Variants in HDAC4 observed in about 807,000 individuals in gnomAD.
HDAC4 encodes the protein histone deacetylase A.
A neutral mutation model predicts 135.1 loss-of-function variants in HDAC4; 16 were observed. That is an observed-to-expected ratio of 0.12 (90% CI 0.08 to 0.18). The LOEUF is 0.18. HDAC4 is among the 10% of genes least tolerant of loss of function. HDAC4 has a pLI of 1.00. For missense variants in HDAC4, 1,143 were observed against 1,511.8 expected (o/e 0.76, Z 4.05); for synonymous variants, 685 against 653.4 (o/e 1.05, Z -0.74).
chr2:239,056,586 C>G (rs1038463933), intron 24 of HDAC4, among the ~76,000 whole-genome samples: 5 of 152,180 alleles, frequency 3.3e-5, no homozygotes, highest in Non-Finnish European at 7.3e-5. Context: ...GAATAAATAA[C>G]GAAATACACA....
Position 239,115,329 on chromosome 2 carries a change from ACATGAAGCACAGAGAG to A in HDAC4, c.1534-35_1534-20del. The A allele has an allele frequency of 6.2e-7, 1 of 1,612,908 alleles. No individual in the cohort carries two copies. The highest frequency in any genetic ancestry group is 8.5e-7 in the Non-Finnish European group (1 of 1,179,930). ...GGATGATCTGCAAGGCGGAGGTAAC[ACATGAAGCACAGAGAG>A]CTGGGTCCTCTGAGCTCATCTGACA... On this transcript the variant is annotated intron_variant, in intron 12 of 26. Transcript: ENST00000543185. This position sits in a 1 kb window ranked among gnomAD's most constrained non-coding sequence, Gnocchi z 6.3.
In HDAC4 at chr2:239,213,147, C is replaced by G. The variant is rs186196196; in HGVS notation, c.95-23070G>C. 1.6e-4 allele frequency among the ~76,000 whole-genome samples: 24 copies of G among 150,716 alleles called. No individual in the cohort carries two copies. The East Asian group carries it at 4.8e-3, about 30-fold the overall frequency. On this transcript the variant is annotated intron_variant, in intron 3 of 26. Coordinates refer to ENST00000543185, the MANE Select transcript of HDAC4 (RefSeq NM_001378414.1). ...CTGTCCCCAGAATATGAGACGGCCA[C>G]GATGCTGGAAGGAAGGACAAGAATG... is the stretch of plus-strand genomic sequence containing the variant.
intron 12 of HDAC4, among the ~76,000 whole-genome samples, chr2:239,122,051 A>G (rs759741394): frequency 9.8e-5 from 15 of 152,354 alleles, no homozygotes; most frequent in Non-Finnish European, 1.6e-4. Context: ...GAATAATTAC[A>G]TTTTTAAAAA....
chr2:239,066,186 C>T (rs867142866), intron 24 of HDAC4, among the ~76,000 whole-genome samples: 17 of 152,178 alleles, frequency 1.1e-4, no homozygotes, highest in Admixed American at 5.2e-4. Context: ...CAGAGGCCAG[C>T]TGTACAGACC....
intron 2 of HDAC4, chr2:239,298,445 A>C: frequency 6.9e-6 from 8 of 1,155,916 alleles, no homozygotes; most frequent in Non-Finnish European, 8.7e-6. Context: ...CACACCGTGG[A>C]TACTCTAGGG....
rs897155687 is a variant in HDAC4 at position 239,111,082 on chromosome 2, G to A, written c.1978+444C>T. ...CCCAGGGGTCCCGGGCTCTGCTCTC[G>A]TGTAATCACAGCCCCCCGCCAGCCA... On this transcript the variant is annotated intron_variant, in intron 14 of 26. Transcript: ENST00000543185. 1.1e-4 allele frequency among the ~76,000 whole-genome samples: 17 copies of A among 152,248 alleles called. 1 individual carries two copies. The highest frequency in any genetic ancestry group is 9.2e-4 in the Admixed American group (14 of 15,286).
At position 239,352,737 on chromosome 2, in the gene HDAC4, G is replaced by C; in HGVS notation, c.-38C>G. 6.5e-7 allele frequency: 1 copy of C among 1,549,680 alleles called. No homozygotes were observed. Reference sequence around the variant, plus strand: ...CCACTCCTTTAAGTGATTCGAAATGGCTCAAAATTTCCACGGAAACGATAG... The same window carrying C: ...CCACTCCTTTAAGTGATTCGAAATGCCTCAAAATTTCCACGGAAACGATAG... On this transcript the variant is annotated 5_prime_UTR_variant, in exon 2 of 27. Coordinates refer to ENST00000543185, the MANE Select transcript of HDAC4 (RefSeq NM_001378414.1). This position sits in a 1 kb window ranked among gnomAD's most constrained non-coding sequence, Gnocchi z 4.4.
Position 239,068,617 on chromosome 2 carries a change from A to T in HDAC4, c.2751-10T>A. 6.2e-7 allele frequency: 1 copy of T among 1,609,328 alleles called. No homozygotes were observed. The highest frequency in any genetic ancestry group is 8.5e-7 in the Non-Finnish European group (1 of 1,175,802). On this transcript the variant is annotated splice_polypyrimidine_tract_variant and intron_variant, in intron 22 of 26. Coordinates refer to ENST00000543185, the MANE Select transcript of HDAC4 (RefSeq NM_001378414.1). The surrounding 1 kb of genome is among the most constrained non-coding windows in gnomAD (Gnocchi z 4.4). Reference sequence around the variant, plus strand: ...CGGCATGACCACCGTTCTGCAAAGGACAGGAGAAGGCGTTACTGGGTCAGC... The same window carrying T: ...CGGCATGACCACCGTTCTGCAAAGGTCAGGAGAAGGCGTTACTGGGTCAGC...
In HDAC4 at chr2:239,081,191, A is replaced by G; in HGVS notation, c.2654T>C (p.Val885Ala). 1 of 1,612,430 alleles carries G rather than the reference A, an allele frequency of 6.2e-7. No individual in the cohort carries two copies. Among genetic ancestry groups the G allele is most frequent in the Non-Finnish European group, 8.5e-7 (1 of 1,179,446 alleles). The change falls in exon 22 of 27, where the codon GTG (valine) becomes GCG (alanine). Residue 885 changes from valine (V) to alanine (A), a missense_variant and splice_region_variant. Physicochemically the swap from Val to Ala is moderately conservative, Grantham distance 64. Transcript: ENST00000543185. ...FFPGSGAPDE[V>A]GTGPGVGFNV... ...GAAACCCACGCCGGGCCCTGTGCCC[A>G]CCTGTGGCCAGAAGGAGAGAAACAC...
chr2:239,058,603 A>G (rs1043607492), intron 24 of HDAC4, among the ~76,000 whole-genome samples: 1 of 152,270 alleles, frequency 6.6e-6, no homozygotes, highest in Non-Finnish European at 1.5e-5. Context: ...CTGGCACAAA[A>G]GATGTAAGGG....
At position 239,134,334 on chromosome 2, in the gene HDAC4, A is replaced by G; in HGVS notation, c.1205T>C (p.Leu402Ser). The G allele has an allele frequency of 6.2e-7, 1 of 1,613,972 alleles. No individual in the cohort carries two copies. Among genetic ancestry groups the G allele is most frequent in the Non-Finnish European group, 8.5e-7 (1 of 1,180,026 alleles). ...GTGCGCTGCCCCTCCGTCCCGCTCC[A>G]AGGGCGAGGTGCTCAGGTAGGGAGT... The part of the protein sequence containing the change: ...HLTPYLSTSP[L>S]ERDGGAAHSP... The change falls in exon 11 of 27, where the codon TTG (leucine) becomes TCG (serine). Residue 402 changes from leucine (L) to serine (S), a missense_variant. Around this residue, in one of 9 missense-constraint regions of HDAC4, gnomAD observed 272 missense variants for 309.7 expected, o/e 0.88. Transcript: ENST00000543185.
At position 239,303,945 on chromosome 2, in the gene HDAC4, C is replaced by T. The variant is rs768884778; in HGVS notation, c.22+48733G>A. ...ACTTCCCACCTCAGTCAAGCACCTGCCTCCCAGGCCTCACCAGTCTTCATC... is the reference window on the plus strand; with the variant it reads ...ACTTCCCACCTCAGTCAAGCACCTGTCTCCCAGGCCTCACCAGTCTTCATC... On this transcript the variant is annotated intron_variant, in intron 2 of 26. Coordinates refer to ENST00000543185, the MANE Select transcript of HDAC4 (RefSeq NM_001378414.1). The surrounding 1 kb of genome is among the most constrained non-coding windows in gnomAD (Gnocchi z 5.1). Among the ~76,000 whole-genome samples, 23 of 152,160 alleles carry T rather than the reference C, an allele frequency of 1.5e-4. No homozygotes were observed. Among genetic ancestry groups the T allele is most frequent in the Non-Finnish European group, 2.9e-4 (20 of 68,024 alleles).
chr2:239,199,107 GCCCCC>G (rs1575384799), intron 3 of HDAC4, among the ~76,000 whole-genome samples: 1 of 29,186 alleles, frequency 3.4e-5, no homozygotes, highest in Admixed American at 2.6e-4. Flanking sequence ...CCTGCTTCCT[GCCCCC>G]CACCACCCCC....
intron 11 of HDAC4, among the ~76,000 whole-genome samples, chr2:239,129,479 C>T (rs1316269069): frequency 1.3e-5 from 2 of 152,124 alleles, no homozygotes; most frequent in East Asian, 3.9e-4. Context: ...CTCCTGTGGT[C>T]CCAGTGGCCC....
intron 12 of HDAC4, among the ~76,000 whole-genome samples, chr2:239,119,126 A>G (rs1253350544): frequency 6.6e-6 from 1 of 152,144 alleles, no homozygotes; most frequent in Non-Finnish European, 1.5e-5. Flanking sequence ...CAGCTCCCCC[A>G]GGGCCCGGTG....
rs375018032 is a variant in HDAC4, at chr2:239,054,801, T to C, written c.3036A>G (p.Gln1012=). The C allele has an allele frequency of 3.7e-6, 6 of 1,613,456 alleles. No individual in the cohort carries two copies. Among genetic ancestry groups the C allele is most frequent in the Non-Finnish European group, 5.1e-6 (6 of 1,179,416 alleles). The change falls in exon 25 of 27, where the codon CAA becomes CAG. Residue 1012 remains glutamine, a synonymous_variant. Transcript: ENST00000543185. The part of the protein sequence containing the change: ...LDPLPEKVLQ[Q]RPNANAVRSM... ...AACGGACAGCGTTTGCATTGGGTCT[T>C]TGCTGTAAAACCTTTTCTGGGAGAG...
intron 2 of HDAC4, among the ~76,000 whole-genome samples, chr2:239,348,729 G>A (rs1164938386): frequency 1.3e-5 from 2 of 152,358 alleles, no homozygotes; most frequent in East Asian, 1.9e-4. Flanking sequence ...CGGGCAAGGG[G>A]CGTAAGGCTC....
intron 24 of HDAC4, among the ~76,000 whole-genome samples, chr2:239,057,825 G>A (rs1361370251): frequency 6.6e-6 from 1 of 152,202 alleles, no homozygotes; most frequent in African/African-American, 2.4e-5. Context: ...GAAATGAGAA[G>A]GAATGATGAG....
chr2:239,242,338 A>C (rs1015375566), intron 2 of HDAC4, among the ~76,000 whole-genome samples: 1 of 152,204 alleles, frequency 6.6e-6, no homozygotes, highest in Non-Finnish European at 1.5e-5. Context: ...CTTTCAATCC[A>C]TGAACATGGG....
Sources: gnomAD v4.1 joint callset for allele counts (sites outside exome capture counted in the v4.1 genomes callset) on GRCh38, gnomAD v4.1.1 for gene constraint, gnomAD v4.1.1 regional missense constraint, Gnocchi (gnomAD v3.1) non-coding constraint, MANE v1.5 for transcripts, NCBI Gene and HGNC (gene_info 2026-07-23, HGNC 2026-07-21) for gene names.